The following PRORP variants were observed in gnomAD, a reference collection of about 807,000 sequenced individuals.
The protein encoded by PRORP is mitochondrial ribonuclease P catalytic subunit.
Under a neutral mutation model 59.4 loss-of-function variants are expected in PRORP, and 51 were observed. The observed-to-expected ratio is 0.86, with a 90% CI of 0.69 to 1.08. PRORP has a LOEUF of 1.08. Ranked by LOEUF, PRORP falls within the 50% of genes least tolerant of loss-of-function variation. PRORP has a pLI of 0.00. For missense variants in PRORP, 646 were observed against 690.3 expected (o/e 0.94, Z 0.72); for synonymous variants, 231 against 245.6 (o/e 0.94, Z 0.55).
At chr14:35,253,478 G>A (rs1453712408) in intron 5 of PRORP, among the ~76,000 whole-genome samples, 1 of 152,080 alleles carries the variant, frequency 6.6e-6, no homozygotes, top group Non-Finnish European at 1.5e-5. Flanking sequence ...GAAGCTTCTG[G>A]GAGATGGGAT....
chr14:35,183,533 A>G (rs2048670852), intron 5 of PRORP, among the ~76,000 whole-genome samples: 2 of 152,146 alleles, frequency 1.3e-5, no homozygotes, highest in Non-Finnish European at 2.9e-5. Flanking sequence ...TCACTATAAT[A>G]AGTAATACTT....
chr14:35,271,697 A>G (rs1210153111), intron 7 of PRORP, among the ~76,000 whole-genome samples: 1 of 152,182 alleles, frequency 6.6e-6, no homozygotes, highest in Non-Finnish European at 1.5e-5. Flanking sequence ...AGAAAAGTAC[A>G]CTGGCCCGTG....
chr14:35,195,790 G>A (rs1274770851), intron 5 of PRORP, among the ~76,000 whole-genome samples: 10 of 151,988 alleles, frequency 6.6e-5, no homozygotes, highest in Non-Finnish European at 4.4e-5. Context: ...TAGGAAACTG[G>A]AACTTAGTTC....
intron 5 of PRORP, among the ~76,000 whole-genome samples, chr14:35,203,756 C>T (rs949110087): frequency 2.0e-5 from 3 of 151,848 alleles, no homozygotes; most frequent in South Asian, 2.1e-4. Context: ...CCCAGCTACT[C>T]GGGAAGCTGA....
At chr14:35,216,138 T>TTATATTTA (rs1198061280) in intron 5 of PRORP, among the ~76,000 whole-genome samples, 7 of 147,620 alleles carry the variant, frequency 4.7e-5, no homozygotes, top group South Asian at 2.1e-4. Context: ...TATAATATAT[T>TTATATTTA]TATATAATAC....
intron 5 of PRORP, among the ~76,000 whole-genome samples, chr14:35,208,660 A>C (rs2049356676): frequency 6.6e-6 from 1 of 152,100 alleles, no homozygotes; most frequent in Admixed American, 6.6e-5. Flanking sequence ...ATTTGAGGTC[A>C]GGAGTTCGAG....
intron 4 of PRORP, among the ~76,000 whole-genome samples, chr14:35,152,256 C>CATA (rs2047776353): frequency 6.6e-6 from 1 of 152,314 alleles, no homozygotes; most frequent in South Asian, 2.1e-4. Flanking sequence ...GGGATAAGGT[C>CATA]ATAGATCAAC....
intron 5 of PRORP, among the ~76,000 whole-genome samples, chr14:35,224,524 TGGG>T (rs2049882507): frequency 6.6e-6 from 1 of 152,150 alleles, no homozygotes. Context: ...CAGCTAGTAA[TGGG>T]GGAGAGCTGG....
At chr14:35,236,226 C>A (rs2050209653) in intron 5 of PRORP, among the ~76,000 whole-genome samples, 1 of 152,040 alleles carries the variant, frequency 6.6e-6, no homozygotes, top group African/African-American at 2.4e-5. Flanking sequence ...TTGTTCTTTC[C>A]CGTGTAACAC....
chr14:35,144,935 C>T (rs2047568701), intron 4 of PRORP, among the ~76,000 whole-genome samples: 1 of 145,496 alleles, frequency 6.9e-6, no homozygotes, highest in Admixed American at 7.2e-5. Context: ...ACAGCAGTCT[C>T]AGTACTCAGT....
Position 35,123,138 on chromosome 14 carries a change from AG to A in PRORP, c.-107del. On this transcript the variant is annotated 5_prime_UTR_variant, in exon 2 of 8. Coordinates refer to ENST00000534898, the MANE Select transcript of PRORP (RefSeq NM_014672.4). Reference sequence around the variant, plus strand: ...AGGAAGAAACACAAACCTTTTAAAAAGTTCCACTTCGACTCTGCACCGCCGA... The same window carrying A: ...AGGAAGAAACACAAACCTTTTAAAAATTCCACTTCGACTCTGCACCGCCGA... The A allele has an allele frequency of 8.9e-7, 1 of 1,123,698 alleles. No homozygotes were observed. The highest frequency in any genetic ancestry group is 1.3e-6 in the Non-Finnish European group (1 of 793,320). The allele number at this position is 1,123,698 out of a possible 1,614,324, so 69.6% of individuals were successfully genotyped here.
At chr14:35,135,516 A>G (rs1346671559) in intron 4 of PRORP, among the ~76,000 whole-genome samples, 1 of 152,212 alleles carries the variant, frequency 6.6e-6, no homozygotes. Context: ...AATGAATATC[A>G]TAAACCTCTG....
At chr14:35,266,992 T>TAA (rs369946634) in intron 6 of PRORP, 117 bp downstream of exon 6, 51,074 of 664,116 alleles carry the variant, frequency 0.077, 990 homozygotes, top group African/African-American at 0.11. Flanking sequence ...TCACCCTCAT[T>TAA]AAAAAAAAAA....
intron 5 of PRORP, among the ~76,000 whole-genome samples, chr14:35,243,514 T>C (rs1884716): frequency 0.82 from 122,860 of 150,630 alleles, 50,108 homozygotes; most frequent in Admixed American, 0.85. Context: ...CCAGTCTGGG[T>C]GACAGAGTGA....
At chr14:35,151,412 C>T (rs754363910) in intron 4 of PRORP, among the ~76,000 whole-genome samples, 1 of 151,982 alleles carries the variant, frequency 6.6e-6, no homozygotes, top group Non-Finnish European at 1.5e-5. Flanking sequence ...AGAATAAGGC[C>T]TCTGATCACC....
intron 4 of PRORP, among the ~76,000 whole-genome samples, chr14:35,143,837 G>T (rs1233845813): frequency 6.9e-6 from 1 of 144,850 alleles, no homozygotes; most frequent in African/African-American, 2.4e-5. Flanking sequence ...TAGTAGAGAT[G>T]GGGTTTCTCC....
intron 7 of PRORP, among the ~76,000 whole-genome samples, chr14:35,272,911 A>G (rs750108676): frequency 6.6e-6 from 1 of 152,196 alleles, no homozygotes; most frequent in Non-Finnish European, 1.5e-5. Context: ...TGAATCATCT[A>G]GATTATTTAT....
At chr14:35,270,735 GC>G in intron 7 of PRORP, 139 bp downstream of exon 7, 1 of 788,424 alleles carries the variant, frequency 1.3e-6, no homozygotes, top group Non-Finnish European at 2.0e-6. Context: ...TTTGGAACTA[GC>G]CAGGTCCTAG....
intron 4 of PRORP, among the ~76,000 whole-genome samples, chr14:35,155,975 T>C (rs2047904092): frequency 6.6e-6 from 1 of 152,256 alleles, no homozygotes. Flanking sequence ...TGCATTGTTT[T>C]TGCTTTGCAA....
Sources: allele counts gnomAD v4.1 joint callset (sites outside exome capture counted in the v4.1 genomes callset), GRCh38; gene constraint gnomAD v4.1.1; transcripts MANE v1.5; gene names NCBI Gene and HGNC (gene_info 2026-07-23, HGNC 2026-07-21).